The following DGKI variants were observed in gnomAD, a reference collection of about 807,000 sequenced individuals.
The protein encoded by DGKI is diacylglycerol kinase iota, also known as DAG kinase iota.
A neutral mutation model predicts 147.5 loss-of-function variants in DGKI; 55 were observed. The observed-to-expected ratio is 0.37, with a 90% CI of 0.30 to 0.47. The LOEUF (loss-of-function observed/expected upper bound fraction) is 0.47. DGKI is among the 20% of genes least tolerant of loss of function. DGKI has a pLI of 1.00. For synonymous variants in DGKI, 469 were observed against 477.1 expected (o/e 0.98, Z 0.22); for missense variants, 1,007 against 1,323.8 (o/e 0.76, Z 3.71).
At chr7:137,420,644 G>C (rs748257817) in intron 28 of DGKI, among the ~76,000 whole-genome samples, 6 of 152,206 alleles carry the variant, frequency 3.9e-5, no homozygotes, top group South Asian at 4.1e-4. Flanking sequence ...AAGAAAAGCA[G>C]GGGGAAGACC....
chr7:137,746,236 T>A (rs1487562065), intron 1 of DGKI, among the ~76,000 whole-genome samples: 1 of 152,214 alleles, frequency 6.6e-6, no homozygotes, highest in Non-Finnish European at 1.5e-5. Flanking sequence ...GTGCTTAAGT[T>A]GTCCAGGCAT....
At chr7:137,656,606 A>G in intron 3 of DGKI, 66 bp from the exon 4 acceptor site, 2 of 1,431,688 alleles carry the variant, frequency 1.4e-6, no homozygotes, top group Non-Finnish European at 2.0e-6. Context: ...GTTCCCTAGT[A>G]TTAAAGTGGG....
At chr7:137,619,115 A>C (rs1047424727) in intron 8 of DGKI, among the ~76,000 whole-genome samples, 1 of 152,312 alleles carries the variant, frequency 6.6e-6, no homozygotes, top group African/African-American at 2.4e-5. Context: ...CCATAGCATT[A>C]AAAATCTGCC....
chr7:137,717,894 A>T (rs1213428080), intron 1 of DGKI, among the ~76,000 whole-genome samples: 2 of 152,164 alleles, frequency 1.3e-5, no homozygotes, highest in Non-Finnish European at 2.9e-5. Flanking sequence ...CCTCTGATTG[A>T]TTTAAACTTC....
chr7:137,526,040 A>T (rs982308682), intron 20 of DGKI, among the ~76,000 whole-genome samples: 1 of 152,158 alleles, frequency 6.6e-6, no homozygotes, highest in Admixed American at 6.6e-5. Context: ...ATTAAATGAA[A>T]GCCAAGTAAT....
intron 21 of DGKI, among the ~76,000 whole-genome samples, chr7:137,508,301 C>A (rs993851831): frequency 7.0e-6 from 1 of 142,710 alleles, no homozygotes; most frequent in Non-Finnish European, 1.5e-5. Context: ...AATCTTGGCT[C>A]ACTGCAAGCT....
chr7:137,814,022 T>C (rs913201623), intron 1 of DGKI, among the ~76,000 whole-genome samples: 8 of 152,214 alleles, frequency 5.3e-5, no homozygotes, highest in African/African-American at 1.9e-4. Flanking sequence ...GGACATATTG[T>C]GAAACCCCAA....
At chr7:137,575,042 T>C (rs1281648692) in intron 17 of DGKI, among the ~76,000 whole-genome samples, 1 of 152,186 alleles carries the variant, frequency 6.6e-6, no homozygotes, top group African/African-American at 2.4e-5. Context: ...AGTATCCTTG[T>C]GTCTCTCTAT....
At chr7:137,624,696 C>G (rs1401052866) in intron 6 of DGKI, among the ~76,000 whole-genome samples, 1 of 152,088 alleles carries the variant, frequency 6.6e-6, no homozygotes, top group Non-Finnish European at 1.5e-5. Flanking sequence ...GCTCCGCCTC[C>G]CGGGTTCACA....
rs141975468 is a variant in DGKI, at chr7:137,400,424, G to T, written c.2921-3011C>A. Among the ~76,000 whole-genome samples, 397 of 152,318 alleles carry T rather than the reference G, an allele frequency of 2.6e-3. 2 individuals are homozygous for T. Among genetic ancestry groups the T allele is most frequent in the African/African-American group, 9.0e-3 (374 of 41,568 alleles). On this transcript the variant is annotated intron_variant, in intron 30 of 32. Transcript: ENST00000614521. ...TCAGCTCTGTCATTCGGTGTTCTCA[G>T]AGCCATGCCACGGTGAGTCCACAGT...
intron 21 of DGKI, among the ~76,000 whole-genome samples, chr7:137,515,754 G>T (rs757629675): frequency 6.6e-6 from 1 of 152,018 alleles, no homozygotes; most frequent in Non-Finnish European, 1.5e-5. Flanking sequence ...GAGATGTCGG[G>T]TGAGTTAAAT....
intron 27 of DGKI, among the ~76,000 whole-genome samples, chr7:137,460,674 T>A (rs1814403083): frequency 6.6e-6 from 1 of 152,214 alleles, no homozygotes; most frequent in Non-Finnish European, 1.5e-5. Flanking sequence ...GAGCATCAGG[T>A]CAGCACTTTA....
chr7:137,472,454 ATATAT>A (rs1159862455), intron 23 of DGKI, among the ~76,000 whole-genome samples: 3 of 118,078 alleles, frequency 2.5e-5, no homozygotes, highest in Non-Finnish European at 5.1e-5. Context: ...ATATAAACGT[ATATAT>A]TATATGTTAT....
chr7:137,640,327 C>A (rs144561036), intron 6 of DGKI, among the ~76,000 whole-genome samples: 630 of 152,224 alleles, frequency 4.1e-3, no homozygotes, highest in Non-Finnish European at 6.9e-3. Context: ...TTGTCCTTGT[C>A]CCCCTTCTTG....
intron 1 of DGKI, among the ~76,000 whole-genome samples, chr7:137,696,101 G>GTGCT (rs1421017148): frequency 6.6e-6 from 1 of 152,134 alleles, no homozygotes; most frequent in Non-Finnish European, 1.5e-5. Flanking sequence ...GAATAAATAT[G>GTGCT]TGCTTTTTGA....
At chr7:137,646,192 C>A (rs1359760699) in intron 5 of DGKI, among the ~76,000 whole-genome samples, 2 of 152,080 alleles carry the variant, frequency 1.3e-5, no homozygotes, top group East Asian at 3.9e-4. Flanking sequence ...AGACACTATA[C>A]CAAACATTCT....
At chr7:137,735,648 T>G (rs1338920486) in intron 1 of DGKI, among the ~76,000 whole-genome samples, 1 of 152,088 alleles carries the variant, frequency 6.6e-6, no homozygotes, top group Non-Finnish European at 1.5e-5. Flanking sequence ...GATTCAGAAG[T>G]GCCAGTATAT....
chr7:137,740,466 T>C (rs1292788321), intron 1 of DGKI, among the ~76,000 whole-genome samples: 1 of 152,162 alleles, frequency 6.6e-6, no homozygotes. Flanking sequence ...ATGTCAGCAA[T>C]GGCAGGTGTA....
chr7:137,523,878 T>G (rs1817051068), intron 20 of DGKI, among the ~76,000 whole-genome samples: 1 of 146,226 alleles, frequency 6.8e-6, no homozygotes, highest in Non-Finnish European at 1.5e-5. Flanking sequence ...GGTGAAGTGA[T>G]TTTAAGGTCA....
Sources: allele counts gnomAD v4.1 joint callset (sites outside exome capture counted in the v4.1 genomes callset), GRCh38; gene constraint gnomAD v4.1.1; transcripts MANE v1.5; gene names NCBI Gene and HGNC (gene_info 2026-07-23, HGNC 2026-07-21).